The following TTLL8 variants were observed in gnomAD, a reference collection of about 807,000 sequenced individuals.
TTLL8 encodes the protein protein monoglycylase TTLL8.
TTLL8 carries 65 observed loss-of-function variants against 77.8 expected under a neutral mutation model. The observed-to-expected ratio is 0.84, with a 90% confidence interval of 0.68 to 1.03. TTLL8 has a LOEUF of 1.03. Among genes scored for constraint, TTLL8 ranks in the 50% least tolerant of loss-of-function variants. The probability of loss-of-function intolerance (pLI) is 0.00; values close to 1 mark genes in which losing one functional copy is unlikely to be tolerated. For missense variants in TTLL8, 910 were observed against 1,004.5 expected (o/e 0.91, Z 1.27); for synonymous variants, 402 against 422.8 (o/e 0.95, Z 0.60).
At chr22:50,054,085 G>A (rs971381260) in intron 1 of TTLL8, among the ~76,000 whole-genome samples, 6 of 152,206 alleles carry the variant, frequency 3.9e-5, no homozygotes, top group African/African-American at 1.4e-4. Context: ...CCTGCAGTCT[G>A]TGCACTTTCA....
intron 12 of TTLL8, among the ~76,000 whole-genome samples, chr22:50,028,626 C>CACACA (rs200430111): frequency 1.1e-5 from 1 of 94,498 alleles, no homozygotes; most frequent in Non-Finnish European, 2.3e-5. Flanking sequence ...CTGAAGACCC[C>CACACA]CACATACCCT....
chr22:50,031,720 C>T (rs768374445), exon 11 of TTLL8: 2 of 1,335,924 alleles, frequency 1.5e-6, no homozygotes, highest in Non-Finnish European at 2.0e-6. Context: ...GCCGATGTCA[C>T]AGCTGCGGTC....
intron 12 of TTLL8, among the ~76,000 whole-genome samples, chr22:50,020,143 A>G (rs1366682024): frequency 6.6e-6 from 1 of 152,252 alleles, no homozygotes; most frequent in Non-Finnish European, 1.5e-5. Flanking sequence ...TTTCAGAATT[A>G]CATATTATTT....
exon 11 of TTLL8, chr22:50,031,808 G>A: frequency 1.5e-6 from 2 of 1,367,008 alleles, no homozygotes; most frequent in African/African-American, 1.5e-5. Context: ...TGCATGGTGG[G>A]GCTGGAATTG....
Position 50,034,977 on chromosome 22 carries a change from A to G in TTLL8, c.922-515T>C, listed in dbSNP as rs1423347931. Among the ~76,000 whole-genome samples, 1 of 152,198 alleles carries G rather than the reference A, an allele frequency of 6.6e-6. No homozygotes were observed. Among genetic ancestry groups the G allele is most frequent in the Non-Finnish European group, 1.5e-5 (1 of 68,040 alleles). ...CAGCACCACATCCTGGGAGCTCAGC[A>G]TCATTCTGACTCAAGACCCTTTGCA... On this transcript the variant is annotated intron_variant, in intron 8 of 13. Coordinates refer to ENST00000266182, the Ensembl canonical transcript of TTLL8. This position sits in a 1 kb window ranked among gnomAD's most constrained non-coding sequence, Gnocchi z 4.1.
intron 12 of TTLL8, among the ~76,000 whole-genome samples, chr22:50,029,697 C>A (rs1442291330): frequency 6.6e-6 from 1 of 152,132 alleles, no homozygotes; most frequent in African/African-American, 2.4e-5. Context: ...CGCCACGGCA[C>A]TTCAGCCTCA....
upstream of TTLL8, chr22:50,056,857 C>T: frequency 7.8e-7 from 1 of 1,289,714 alleles, no homozygotes; most frequent in Non-Finnish European, 1.0e-6. The surrounding 1 kb of genome is among the most constrained non-coding windows in gnomAD (Gnocchi z 4.1). Context: ...ACAGGCAATA[C>T]ACGATACCCA....
intron 12 of TTLL8, among the ~76,000 whole-genome samples, chr22:50,024,441 C>T (rs1033526075): frequency 4.6e-5 from 7 of 152,062 alleles, no homozygotes; most frequent in African/African-American, 1.7e-4. Context: ...ACTTCGAAGA[C>T]AGTGTGGTAT....
chr22:50,030,783 C>T (rs1375243055), exon 12 of TTLL8: 6 of 1,348,010 alleles, frequency 4.5e-6, no homozygotes, highest in Non-Finnish European at 5.9e-6. Context: ...CGAGGGGCCC[C>T]GTGCCTTCAG....
chr22:50,042,497 C>T (rs5771315), intron 6 of TTLL8, among the ~76,000 whole-genome samples: 49,527 of 151,972 alleles, frequency 0.33, 9,122 homozygotes, highest in Non-Finnish European at 0.42. Flanking sequence ...TAAAAATGAA[C>T]AATCTGAACA....
At chr22:50,050,337 G>T (rs1344132213) in intron 1 of TTLL8, 90 bp from the exon 4 acceptor site, 27 of 959,262 alleles carry the variant, frequency 2.8e-5, no homozygotes, top group Non-Finnish European at 3.7e-5. Flanking sequence ...GTTAGTGCTG[G>T]TTTCTGAGAT....
chr22:50,040,189 A>C (rs2061361597), intron 8 of TTLL8, among the ~76,000 whole-genome samples: 1 of 150,786 alleles, frequency 6.6e-6, no homozygotes, highest in Non-Finnish European at 1.5e-5. Context: ...GCGTGGACGG[A>C]CCTCACGGAC....
intron 12 of TTLL8, among the ~76,000 whole-genome samples, chr22:50,023,546 G>A (rs1490252477): frequency 6.6e-6 from 1 of 151,942 alleles, no homozygotes; most frequent in Admixed American, 6.6e-5. Context: ...TTAGCTGGGC[G>A]TGGTAGTGTG....
At chr22:50,042,076 C>A (rs1375209423) in intron 6 of TTLL8, among the ~76,000 whole-genome samples, 2 of 152,192 alleles carry the variant, frequency 1.3e-5, no homozygotes, top group Non-Finnish European at 2.9e-5. Flanking sequence ...GTGAGTGCCA[C>A]CTCCCCACAG....
rs777109669 is a variant in TTLL8 at position 50,049,244 on chromosome 22, C to T, written c.264+5G>A. 28 of 1,367,514 alleles carry T rather than the reference C, an allele frequency of 2.0e-5. No homozygotes were observed. Among genetic ancestry groups the T allele is most frequent in the African/African-American group, 5.9e-5 (4 of 67,752 alleles). 84.7% of individuals were successfully genotyped at this position (1,367,514 alleles called of 1,614,324 possible). A position where few individuals can be genotyped will look rare whatever the true frequency, so the allele number is the denominator to read the frequency against. On this transcript the variant is annotated splice_donor_5th_base_variant and intron_variant, in intron 3 of 13. Coordinates refer to ENST00000266182, the Ensembl canonical transcript of TTLL8. ...AGCTGACCATGACGCATGCAGGGGA[C>T]GTACCATCACGTCGTGGATGTTGTC... is the stretch of plus-strand genomic sequence containing the variant.
At chr22:50,033,500 G>C (rs1429231827) in intron 9 of TTLL8, 55 bp from the exon 11 acceptor site, 1 of 1,317,044 alleles carries the variant, frequency 7.6e-7, no homozygotes, top group African/African-American at 1.5e-5. Context: ...AGCGGGACCT[G>C]AGCTCCTGAG....
chr22:50,023,811 G>C (rs1000706593), intron 12 of TTLL8, among the ~76,000 whole-genome samples: 1 of 152,146 alleles, frequency 6.6e-6, no homozygotes, highest in Non-Finnish European at 1.5e-5. Context: ...ACGAGGTCAG[G>C]AGTTCGAGAC....
At chr22:50,026,637 A>C (rs1043799206) in intron 12 of TTLL8, among the ~76,000 whole-genome samples, 2 of 152,248 alleles carry the variant, frequency 1.3e-5, no homozygotes, top group Non-Finnish European at 2.9e-5. Flanking sequence ...GATGATCACC[A>C]TTTGGAGAAG....
At chr22:50,026,726 C>T (rs1028072151) in intron 12 of TTLL8, among the ~76,000 whole-genome samples, 10 of 152,196 alleles carry the variant, frequency 6.6e-5, no homozygotes, top group East Asian at 1.9e-4. Flanking sequence ...TGTCTACTTA[C>T]GGTCTGTCCT....
Sources: allele counts gnomAD v4.1 joint callset (sites outside exome capture counted in the v4.1 genomes callset), GRCh38; gene constraint gnomAD v4.1.1; non-coding constraint Gnocchi (gnomAD v3.1); transcripts MANE v1.5; gene names NCBI Gene and HGNC (gene_info 2026-07-23, HGNC 2026-07-21).